The following CTNNA3 variants were observed in gnomAD, a reference collection of about 807,000 sequenced individuals.
CTNNA3 encodes the protein catenin alpha-3.
A neutral mutation model predicts 95.7 loss-of-function variants in CTNNA3; 76 were observed. That is an observed-to-expected ratio of 0.79 (90% CI 0.66 to 0.96). The LOEUF (loss-of-function observed/expected upper bound fraction) is 0.96. Ranked by LOEUF, CTNNA3 falls within the 40% of genes least tolerant of loss-of-function variation. The pLI, the probability that CTNNA3 is intolerant of heterozygous loss-of-function variation, is 0.00. For synonymous variants in CTNNA3, 431 were observed against 374.4 expected (o/e 1.15, Z -1.74); for missense variants, 1,191 against 1,089.8 (o/e 1.09, Z -1.31).
At chr10:66,771,952 G>A (rs1167024330) in intron 8 of CTNNA3, among the ~76,000 whole-genome samples, 2 of 152,240 alleles carry the variant, frequency 1.3e-5, no homozygotes, top group Non-Finnish European at 1.5e-5. Flanking sequence ...AGGTTTCATG[G>A]AAGCAATAGC....
At position 66,631,079 on chromosome 10, in the gene CTNNA3, C is replaced by T. The variant is rs1845118432; in HGVS notation, c.1282-9295G>A. Among the ~76,000 whole-genome samples, 3 of 152,138 alleles carry T rather than the reference C, an allele frequency of 2.0e-5. No individual in the cohort carries two copies. In the South Asian group the frequency reaches 6.2e-4, roughly 31 times the overall value. ...CTGTAGTAAGAGTGTTACATGGAGA[C>T]AAATTATTACTTAGGAAATTCATAT... On this transcript the variant is annotated intron_variant, in intron 9 of 17. Transcript: ENST00000433211.
chr10:66,426,166 A>T (rs1249738119), intron 11 of CTNNA3, among the ~76,000 whole-genome samples: 1 of 151,848 alleles, frequency 6.6e-6, no homozygotes, highest in Non-Finnish European at 1.5e-5. Context: ...TATTATGGTC[A>T]TTTCCGTATT....
At chr10:66,853,939 TA>T (rs1489481089) in intron 7 of CTNNA3, among the ~76,000 whole-genome samples, 3 of 152,088 alleles carry the variant, frequency 2.0e-5, no homozygotes, top group Non-Finnish European at 4.4e-5. Context: ...TTGTTTTGCA[TA>T]AACGTGAAAA....
chr10:66,693,438 C>T (rs28806243), intron 9 of CTNNA3, among the ~76,000 whole-genome samples: 53,996 of 148,664 alleles, frequency 0.36, 10,213 homozygotes, highest in African/African-American at 0.39. Context: ...GCACCCAATA[C>T]AGGAGCACCC....
At chr10:66,331,342 G>GTTTTTTTTTT (rs60709020) in intron 12 of CTNNA3, among the ~76,000 whole-genome samples, 1 of 80,336 alleles carries the variant, frequency 1.2e-5, no homozygotes, top group Non-Finnish European at 2.4e-5. Context: ...CCCATTGTTT[G>GTTTTTTTTTT]TTTTTTTTTT....
intron 14 of CTNNA3, among the ~76,000 whole-genome samples, chr10:66,100,796 T>C (rs2081595996): frequency 6.6e-6 from 1 of 152,330 alleles, no homozygotes; most frequent in Non-Finnish European, 1.5e-5. Context: ...TTTACCATCG[T>C]ATATAATGTG....
At chr10:67,193,104 T>A (rs1158823165) in intron 6 of CTNNA3, among the ~76,000 whole-genome samples, 1 of 151,882 alleles carries the variant, frequency 6.6e-6, no homozygotes, top group Non-Finnish European at 1.5e-5. Context: ...TTGCCACAGA[T>A]GAGAGGGTGT....
intron 11 of CTNNA3, among the ~76,000 whole-genome samples, chr10:66,512,412 T>C (rs1840694152): frequency 1.3e-5 from 2 of 152,088 alleles, no homozygotes; most frequent in African/African-American, 4.8e-5. Context: ...GTCATTTTGT[T>C]AGTTGTTTTG....
intron 16 of CTNNA3, among the ~76,000 whole-genome samples, chr10:65,976,410 A>C (rs937578175): frequency 6.6e-6 from 1 of 152,162 alleles, no homozygotes; most frequent in African/African-American, 2.4e-5. Flanking sequence ...GTCTCTATCA[A>C]GAGACTCTTC....
At chr10:67,077,637 G>C (rs567707828) in intron 7 of CTNNA3, among the ~76,000 whole-genome samples, 2 of 152,218 alleles carry the variant, frequency 1.3e-5, no homozygotes, top group Non-Finnish European at 1.5e-5. Flanking sequence ...TGAAAGACTG[G>C]TTCCCTGTAT....
At chr10:67,751,694 G>A (rs1321462346) in intron 1 of CTNNA3, among the ~76,000 whole-genome samples, 11 of 152,118 alleles carry the variant, frequency 7.2e-5, no homozygotes, top group East Asian at 5.8e-4. Context: ...ACACCTCTAC[G>A]CAAATAAACT....
At chr10:67,105,941 G>C (rs1439754997) in intron 7 of CTNNA3, among the ~76,000 whole-genome samples, 1 of 152,182 alleles carries the variant, frequency 6.6e-6, no homozygotes, top group African/African-American at 2.4e-5. Context: ...CTTAAGTTCA[G>C]TGTATTGGAC....
chr10:66,050,424 ATT>A (rs200349556), intron 15 of CTNNA3, among the ~76,000 whole-genome samples: 27,453 of 145,904 alleles, frequency 0.19, 2,558 homozygotes, highest in Admixed American at 0.25. Context: ...ATCCTCATGC[ATT>A]TTTTTTTTTT....
At chr10:66,270,045 A>G (rs1415250876) in intron 13 of CTNNA3, among the ~76,000 whole-genome samples, 1 of 152,212 alleles carries the variant, frequency 6.6e-6, no homozygotes, top group Non-Finnish European at 1.5e-5. Flanking sequence ...ATTCTTTGTG[A>G]AAATATATCT....
At chr10:66,754,348 T>C (rs1239917360) in intron 9 of CTNNA3, among the ~76,000 whole-genome samples, 1 of 152,092 alleles carries the variant, frequency 6.6e-6, no homozygotes, top group Admixed American at 6.6e-5. Flanking sequence ...CCTAACACCA[T>C]GTACAAAAAA....
At position 66,605,714 on chromosome 10, in the gene CTNNA3, C is replaced by CATA. The variant is rs1844096665; in HGVS notation, c.1374+15975_1374+15977dup. Among the ~76,000 whole-genome samples, 6 of 152,258 alleles carry CATA rather than the reference C, an allele frequency of 3.9e-5. No homozygotes were observed. In the South Asian group the frequency reaches 1.2e-3, roughly 32 times the overall value. On this transcript the variant is annotated intron_variant, in intron 10 of 17. Transcript: ENST00000433211. The stretch of plus-strand genomic sequence containing the variant: ...TTTCATATCCAGCCAAACTAAGCTT[C>CATA]ATAATTGAGGTAGAAATAAGATCCT...
intron 9 of CTNNA3, among the ~76,000 whole-genome samples, chr10:66,719,124 G>A (rs1211044748): frequency 1.3e-5 from 2 of 152,126 alleles, no homozygotes; most frequent in African/African-American, 4.8e-5. Flanking sequence ...TAAGTGTCCT[G>A]TGATCTTACG....
chr10:67,751,418 C>A (rs192024902), intron 1 of CTNNA3, among the ~76,000 whole-genome samples: 1 of 152,248 alleles, frequency 6.6e-6, no homozygotes, highest in Non-Finnish European at 1.5e-5. Flanking sequence ...CAGAGTATCA[C>A]AGAAAAGCAT....
At chr10:66,431,266 G>A (rs2131747330) in intron 11 of CTNNA3, among the ~76,000 whole-genome samples, 1 of 152,264 alleles carries the variant, frequency 6.6e-6, no homozygotes, top group South Asian at 2.1e-4. Context: ...GAGAGGATGT[G>A]GAGAAATAGG....
Sources: gnomAD v4.1 joint callset for allele counts (sites outside exome capture counted in the v4.1 genomes callset) on GRCh38, gnomAD v4.1.1 for gene constraint, MANE v1.5 for transcripts, NCBI Gene and HGNC (gene_info 2026-07-23, HGNC 2026-07-21) for gene names.